PBX1: variants seen among roughly 807,000 people sequenced by gnomAD.
PBX1 encodes the protein pre-B-cell leukemia transcription factor 1.
In PBX1, 6 loss-of-function variants were observed where a neutral mutation model predicts 53.4. The ratio of observed to expected loss-of-function variants is 0.11; its 90% CI spans 0.06 to 0.22. PBX1 has a LOEUF of 0.22. PBX1 is among the 10% of genes least tolerant of loss of function. The pLI is 1.00. For synonymous variants in PBX1, 204 were observed against 212.3 expected (o/e 0.96, Z 0.34); for missense variants, 251 against 551.4 (o/e 0.46, Z 5.46).
intron 2 of PBX1, chr1:164,684,149 A>G (rs1661956683): frequency 6.6e-6 from 1 of 152,148 alleles, no homozygotes. Context: ...TTTCCTGTTT[A>G]TGTACAGAAT....
At chr1:164,766,891 C>T (rs1667086333) in intron 2 of PBX1, among the ~76,000 whole-genome samples, 1 of 151,834 alleles carries the variant, frequency 6.6e-6, no homozygotes. Context: ...CCATATCCAG[C>T]TAATCTTTTT....
At chr1:164,739,198 G>A (rs950188726) in intron 2 of PBX1, among the ~76,000 whole-genome samples, 5 of 152,186 alleles carry the variant, frequency 3.3e-5, no homozygotes, top group African/African-American at 4.8e-5. Context: ...TTCCCCTGGC[G>A]CAAACCAATC....
intron 2 of PBX1, among the ~76,000 whole-genome samples, chr1:164,757,149 T>A (rs1344292265): frequency 1.3e-5 from 2 of 152,118 alleles, no homozygotes. Flanking sequence ...AGAGAAGGTA[T>A]CATTGCCCCC....
chr1:164,870,306 T>TTTC (rs1672340563), intron 2 of PBX1, among the ~76,000 whole-genome samples: 1 of 75,218 alleles, frequency 1.3e-5, no homozygotes, highest in Admixed American at 1.4e-4. Context: ...TCTTTCTTTC[T>TTTC]TTCTTTCTTT....
intron 2 of PBX1, among the ~76,000 whole-genome samples, chr1:164,663,713 A>G (rs780803545): frequency 6.6e-6 from 1 of 152,248 alleles, no homozygotes; most frequent in Admixed American, 6.5e-5. Context: ...CCTATCCATC[A>G]TAGTCCTATG....
At chr1:164,767,890 G>A (rs1667148545) in intron 2 of PBX1, among the ~76,000 whole-genome samples, 1 of 151,990 alleles carries the variant, frequency 6.6e-6, no homozygotes, top group Admixed American at 6.6e-5. Flanking sequence ...AAACCACAGG[G>A]TATTTAAATA....
intron 2 of PBX1, among the ~76,000 whole-genome samples, chr1:164,882,177 C>T (rs1157790514): frequency 2.0e-5 from 3 of 151,420 alleles, no homozygotes; most frequent in Admixed American, 6.6e-5. Flanking sequence ...TTCTCAAAAT[C>T]ACACAGATGA....
rs372704847 is a variant in PBX1, at chr1:164,761,695, G to A, written c.266-30799G>A. Among the ~76,000 whole-genome samples the A allele has an allele frequency of 1.4e-4, 22 of 152,200 alleles. No individual in the cohort carries two copies. In the East Asian group the frequency reaches 2.1e-3, roughly 15 times the overall value. ...CCTGACCTCATGATCCGCCCGTCTC[G>A]GCCTCCCAAAGTGCTGGGATTACAG... On this transcript the variant is annotated intron_variant, in intron 2 of 8. Coordinates refer to ENST00000420696, the MANE Select transcript of PBX1 (RefSeq NM_002585.4).
At chr1:164,875,936 G>A (rs2486259) in intron 2 of PBX1, among the ~76,000 whole-genome samples, 122,916 of 145,586 alleles carry the variant, frequency 0.84, 53,281 homozygotes, top group Middle Eastern at 0.93. Flanking sequence ...CTCAATAGAT[G>A]CGTTGCAAAT....
chr1:164,637,104 G>T (rs538493214), intron 2 of PBX1, among the ~76,000 whole-genome samples: 1 of 152,114 alleles, frequency 6.6e-6, no homozygotes. Flanking sequence ...TCCAGCTGGG[G>T]CTGAGAAGAA....
intron 2 of PBX1, among the ~76,000 whole-genome samples, chr1:164,788,757 C>A (rs558351383): frequency 2.2e-5 from 3 of 137,814 alleles, no homozygotes; most frequent in Non-Finnish European, 4.7e-5. Context: ...CGCCCTCCCC[C>A]CCCCGCCCTT....
chr1:164,733,227 C>T (rs536523461), intron 2 of PBX1, among the ~76,000 whole-genome samples: 1 of 152,298 alleles, frequency 6.6e-6, no homozygotes, highest in South Asian at 2.1e-4. Flanking sequence ...TCCCATCACT[C>T]TCAGGGTGTT....
intron 2 of PBX1, among the ~76,000 whole-genome samples, chr1:164,614,972 A>G (rs540480650): frequency 1.3e-5 from 2 of 152,140 alleles, no homozygotes; most frequent in Non-Finnish European, 2.9e-5. Flanking sequence ...TCAGGGTTTC[A>G]CCATGTTGAC....
chr1:164,628,902 T>C (rs1184091713), intron 2 of PBX1, among the ~76,000 whole-genome samples: 11 of 152,248 alleles, frequency 7.2e-5, no homozygotes, highest in Admixed American at 3.9e-4. Context: ...AGGCCACATA[T>C]TGTCTTTTTC....
intron 2 of PBX1, among the ~76,000 whole-genome samples, chr1:164,742,402 C>T (rs1311795518): frequency 6.6e-6 from 1 of 152,086 alleles, no homozygotes; most frequent in Non-Finnish European, 1.5e-5. Context: ...ATTAGCCAGG[C>T]ATGGTGATGC....
chr1:164,775,010 A>G (rs925585013), intron 2 of PBX1, among the ~76,000 whole-genome samples: 3 of 152,260 alleles, frequency 2.0e-5, no homozygotes, highest in African/African-American at 4.8e-5. Context: ...ATGCCTAGCA[A>G]GAGTTGTTTA....
Position 164,742,084 on chromosome 1 carries a change from C to T in PBX1, c.266-50410C>T, listed in dbSNP as rs144005654. 4.2e-4 allele frequency among the ~76,000 whole-genome samples: 64 copies of T among 152,178 alleles called. No homozygotes were observed. The East Asian group carries it at 0.012, about 28-fold the overall frequency. On this transcript the variant is annotated intron_variant, in intron 2 of 8. Transcript: ENST00000420696. ...CAGGGATTCTTGAAAAGAAAGGTAACCTTTCTTATTCATAGTGCAGTTACC... is the reference window on the plus strand; with the variant it reads ...CAGGGATTCTTGAAAAGAAAGGTAATCTTTCTTATTCATAGTGCAGTTACC...
intron 2 of PBX1, among the ~76,000 whole-genome samples, chr1:164,601,736 G>C (rs1211406209): frequency 5.3e-5 from 8 of 152,166 alleles, no homozygotes; most frequent in African/African-American, 1.9e-4. Flanking sequence ...TGTTGTTCCA[G>C]GGAAGATGAA....
chr1:164,823,743 G>A (rs1461326583), intron 8 of PBX1, among the ~76,000 whole-genome samples: 8 of 152,020 alleles, frequency 5.3e-5, no homozygotes, highest in African/African-American at 1.7e-4. Flanking sequence ...CAAAAACTGG[G>A]CCTGAAAATG....
Sources: gnomAD v4.1 joint callset for allele counts (sites outside exome capture counted in the v4.1 genomes callset) on GRCh38, gnomAD v4.1.1 for gene constraint, MANE v1.5 for transcripts, NCBI Gene and HGNC (gene_info 2026-07-23, HGNC 2026-07-21) for gene names.